Variants in CLVS1 observed in about 807,000 individuals in gnomAD.
CLVS1 encodes clavesin-1.
In CLVS1, 10 loss-of-function variants were observed where a neutral mutation model predicts 33.1. That is an observed-to-expected ratio of 0.30 (90% confidence interval 0.19 to 0.51). The LOEUF (loss-of-function observed/expected upper bound fraction) is 0.51, where lower values mean the gene tolerates loss of function less well. Ranked by LOEUF, CLVS1 falls within the 20% of genes least tolerant of loss-of-function variation. CLVS1 has a pLI of 0.97. For missense variants in CLVS1, 343 were observed against 433.4 expected (o/e 0.79, Z 1.85); for synonymous variants, 163 against 166.1 (o/e 0.98, Z 0.14).
chr8:61,275,192 G>A (rs1180774837), intron 2 of CLVS1, among the ~76,000 whole-genome samples: 1 of 152,124 alleles, frequency 6.6e-6, no homozygotes, highest in Admixed American at 6.5e-5. Flanking sequence ...TATTTTTTTA[G>A]TTTTTATTTT....
chr8:61,387,656 A>G (rs1814143046), intron 3 of CLVS1, among the ~76,000 whole-genome samples: 2 of 152,014 alleles, frequency 1.3e-5, no homozygotes, highest in Non-Finnish European at 1.5e-5. Flanking sequence ...TGAGTCCCCA[A>G]AGTTCACCAT....
chr8:60,968,410 G>A, the CLVS1 span, among the ~76,000 whole-genome samples: 6 of 151,972 alleles, frequency 3.9e-5, no homozygotes, highest in East Asian at 7.7e-4. Flanking sequence ...CAGCTACTAG[G>A]GAGGCTGAGG....
At chr8:61,195,960 G>A (rs894327847) in intron 2 of CLVS1, among the ~76,000 whole-genome samples, 2 of 152,072 alleles carry the variant, frequency 1.3e-5, no homozygotes, top group Non-Finnish European at 2.9e-5. Flanking sequence ...GTTGTTTTGT[G>A]TCTTTGGAAA....
chr8:61,365,425 G>A (rs1325053732), intron 2 of CLVS1, among the ~76,000 whole-genome samples: 1 of 152,144 alleles, frequency 6.6e-6, no homozygotes, highest in East Asian at 1.9e-4. Flanking sequence ...TACTCGGGAG[G>A]CTGAGGCAGG....
At position 61,400,772 on chromosome 8, in the gene CLVS1, C is replaced by G. The variant is rs374206114; in HGVS notation, c.630+23993C>G. Among the ~76,000 whole-genome samples the G allele has an allele frequency of 2.6e-5, 4 of 152,068 alleles. No homozygotes were observed. In the East Asian group the frequency reaches 5.8e-4, roughly 22 times the overall value. On this transcript the variant is annotated intron_variant, in intron 3 of 5. Transcript: ENST00000325897. ...TGTTGAATTTTATCGAAGGCCTTTT[C>G]TGTGTCGATTGAGATAATCACATGG...
At chr8:61,168,583 A>C (rs1486000837) in intron 2 of CLVS1, among the ~76,000 whole-genome samples, 2 of 152,240 alleles carry the variant, frequency 1.3e-5, no homozygotes, top group African/African-American at 2.4e-5. Flanking sequence ...TACAATCTGG[A>C]CTAAATATTA....
the CLVS1 span, among the ~76,000 whole-genome samples, chr8:61,028,269 G>A: frequency 6.3e-4 from 96 of 152,254 alleles, 2 homozygotes; most frequent in South Asian, 0.019. Flanking sequence ...AAATAATAAC[G>A]ATTATAATAA....
chr8:61,009,423 C>T, the CLVS1 span, among the ~76,000 whole-genome samples: 1 of 152,192 alleles, frequency 6.6e-6, no homozygotes, highest in Admixed American at 6.5e-5. Context: ...GCTGGGATTA[C>T]AGGTGTGAGT....
chr8:61,064,313 C>T (rs535111001), intron 1 of CLVS1, among the ~76,000 whole-genome samples: 11 of 152,278 alleles, frequency 7.2e-5, no homozygotes, highest in South Asian at 2.1e-4. Context: ...TTTTCACAGA[C>T]GCTGCACCAT....
At chr8:61,367,873 C>T (rs546105805) in intron 2 of CLVS1, among the ~76,000 whole-genome samples, 1 of 152,292 alleles carries the variant, frequency 6.6e-6, no homozygotes, top group African/African-American at 2.4e-5. Flanking sequence ...ACTTTTTTCT[C>T]TTTGTGTCTT....
At chr8:61,052,701 G>C (rs533113992), upstream of CLVS1, among the ~76,000 whole-genome samples, 1 of 152,280 alleles carries the variant, frequency 6.6e-6, no homozygotes, top group East Asian at 1.9e-4. Context: ...GAAATAATGG[G>C]GATGGGTGGC....
At chr8:61,210,378 C>T (rs1165218717) in intron 2 of CLVS1, among the ~76,000 whole-genome samples, 1 of 152,218 alleles carries the variant, frequency 6.6e-6, no homozygotes, top group African/African-American at 2.4e-5. Flanking sequence ...GGCCTCAGAA[C>T]TGTGAGAAAT....
intron 2 of CLVS1, among the ~76,000 whole-genome samples, chr8:61,141,490 T>G (rs1806307529): frequency 6.6e-6 from 1 of 152,206 alleles, no homozygotes; most frequent in African/African-American, 2.4e-5. Context: ...TATATATATA[T>G]ATATTTTACA....
At chr8:61,320,599 G>A (rs1013890636) in intron 2 of CLVS1, among the ~76,000 whole-genome samples, 3 of 152,182 alleles carry the variant, frequency 2.0e-5, no homozygotes, top group Non-Finnish European at 4.4e-5. Context: ...TGGAGGCTGG[G>A]AAGTCCAAGA....
chr8:61,368,565 T>C (rs1194347430), intron 2 of CLVS1, among the ~76,000 whole-genome samples: 2 of 152,200 alleles, frequency 1.3e-5, no homozygotes, highest in Admixed American at 1.3e-4. Flanking sequence ...CCAAACTCTC[T>C]CCATATATTG....
intron 2 of CLVS1, among the ~76,000 whole-genome samples, chr8:61,188,415 C>G (rs752777778): frequency 3.9e-5 from 6 of 151,978 alleles, no homozygotes; most frequent in Admixed American, 2.6e-4. Context: ...AAAATCAGAA[C>G]ACATTAGGGA....
chr8:61,489,598 C>T (rs1027416347), intron 5 of CLVS1, among the ~76,000 whole-genome samples: 9 of 152,058 alleles, frequency 5.9e-5, no homozygotes, highest in African/African-American at 1.7e-4. Context: ...AAAGATAATG[C>T]GACGAAATAC....
chr8:61,333,931 A>G (rs1256388707), intron 2 of CLVS1, among the ~76,000 whole-genome samples: 2 of 152,038 alleles, frequency 1.3e-5, no homozygotes, highest in Non-Finnish European at 2.9e-5. Context: ...TTTAGCTCCC[A>G]TGTAGAAGTG....
At chr8:61,128,602 T>G (rs1475164426) in intron 1 of CLVS1, among the ~76,000 whole-genome samples, 1 of 152,234 alleles carries the variant, frequency 6.6e-6, no homozygotes, top group Non-Finnish European at 1.5e-5. Flanking sequence ...CCACCAAGTG[T>G]GACATCAGTC....
Sources: allele counts gnomAD v4.1 joint callset (sites outside exome capture counted in the v4.1 genomes callset), GRCh38; gene constraint gnomAD v4.1.1; transcripts MANE v1.5; gene names NCBI Gene and HGNC (gene_info 2026-07-23, HGNC 2026-07-21).